The following POMGNT2 variants were observed in gnomAD, a reference collection of about 807,000 sequenced individuals.
POMGNT2 encodes the protein protein O-linked-mannose beta-1,4-N-acetylglucosaminyltransferase 2.
Under a neutral mutation model 37.8 loss-of-function variants are expected in POMGNT2, and 32 were observed. The observed-to-expected ratio is 0.85, with a 90% CI of 0.64 to 1.14. The LOEUF (loss-of-function observed/expected upper bound fraction) is 1.14. Ranked by LOEUF, POMGNT2 falls within the 50% of genes most tolerant of loss-of-function variation. POMGNT2 has a pLI of 0.00. For missense variants in POMGNT2, 705 were observed against 780.6 expected (o/e 0.90, Z 1.15); for synonymous variants, 340 against 336.8 (o/e 1.01, Z -0.10).
chr3:43,088,700 G>T (rs2089918340), intron 1 of POMGNT2, among the ~76,000 whole-genome samples: 1 of 152,196 alleles, frequency 6.6e-6, no homozygotes, highest in Non-Finnish European at 1.5e-5. Flanking sequence ...GAAAAAGAAG[G>T]TGTTGTCCTA....
At chr3:43,095,236 T>C (rs974207446) in intron 1 of POMGNT2, among the ~76,000 whole-genome samples, 1 of 152,206 alleles carries the variant, frequency 6.6e-6, no homozygotes, top group Non-Finnish European at 1.5e-5. Context: ...GAGGTGGCAC[T>C]TGGAGGCATG....
intron 1 of POMGNT2, among the ~76,000 whole-genome samples, chr3:43,103,847 C>T (rs561827899): frequency 5.3e-5 from 8 of 152,198 alleles, no homozygotes; most frequent in Non-Finnish European, 1.2e-4. Flanking sequence ...TCCAAGCCTT[C>T]ACTTCCTGGC....
Position 43,081,299 on chromosome 3 carries a change from G to A in POMGNT2, c.133C>T (p.Pro45Ser). Residue 45 changes from proline to serine, a missense_variant, in exon 2 of 2, where the codon CCA (proline) becomes TCA (serine). Coordinates refer to ENST00000344697, the MANE Select transcript of POMGNT2 (RefSeq NM_032806.6). ...ELALSRQATEPAPALRIDYPK... is the reference protein window; with the variant it reads ...ELALSRQATESAPALRIDYPK... ...TAGTCGATCCTCAGTGCTGGGGCTGGCTCTGTGGCCTGTCGGCTGAGGGCC... is the reference window on the plus strand; with the variant it reads ...TAGTCGATCCTCAGTGCTGGGGCTGACTCTGTGGCCTGTCGGCTGAGGGCC... 6.2e-7 allele frequency: 1 copy of A among 1,612,746 alleles called. No homozygotes were observed.
intron 1 of POMGNT2, among the ~76,000 whole-genome samples, chr3:43,101,891 C>G (rs1438534760): frequency 3.3e-5 from 5 of 152,108 alleles, no homozygotes; most frequent in South Asian, 2.1e-4. Context: ...CCTTCCCACA[C>G]AAAGTGCACC....
intron 1 of POMGNT2, among the ~76,000 whole-genome samples, chr3:43,104,500 G>T (rs770737802): frequency 6.6e-6 from 1 of 152,214 alleles, no homozygotes; most frequent in African/African-American, 2.4e-5. Flanking sequence ...CCTTTCTGCT[G>T]AAGATCTCCA....
chr3:43,105,533 G>C (rs1258864023), intron 1 of POMGNT2, among the ~76,000 whole-genome samples: 1 of 152,080 alleles, frequency 6.6e-6, no homozygotes, highest in East Asian at 2.0e-4. Flanking sequence ...GGCTCGAACT[G>C]GCAAGCCCCA....
chr3:43,080,872 T>C lies in POMGNT2; in HGVS notation c.560A>G (p.His187Arg), dbSNP rs2089846455. ...YTLRQFPGLA[H>R]EARLFFMEGW... The stretch of plus-strand genomic sequence containing the variant: ...CTCCATGAAGAAGAGCCGTGCCTCG[T>C]GGGCCAGGCCGGGAAACTGCCGCAG... The change falls in exon 2 of 2, where the codon CAC becomes CGC. Residue 187 changes from histidine (H) to arginine (R), a missense_variant. By Grantham distance (29) the His-to-Arg change is conservative (BLOSUM62 0). Coordinates refer to ENST00000344697, the MANE Select transcript of POMGNT2 (RefSeq NM_032806.6). 4 of 1,614,082 alleles carry C rather than the reference T, an allele frequency of 2.5e-6. No homozygotes were observed. Among genetic ancestry groups the C allele is most frequent in the Non-Finnish European group, 3.4e-6 (4 of 1,179,984 alleles).
At chr3:43,088,127 A>C (rs1157907951) in intron 1 of POMGNT2, 1 of 152,270 alleles carries the variant, frequency 6.6e-6, no homozygotes, top group African/African-American at 2.4e-5. Context: ...GGCACCAGAT[A>C]GCTAATAAAG....
rs149932476 is a variant in POMGNT2, at chr3:43,080,895, C to G, written c.537G>C (p.Leu179=). The stretch of plus-strand genomic sequence containing the variant: ...CGTGGGCCAGGCCGGGAAACTGCCG[C>G]AGGGTGTAGAAGAGTGGCAGCAGGT... ...HDDLLPLFYT[L]RQFPGLAHEA... Residue 179 remains leucine (L), a synonymous_variant, in exon 2 of 2, where the codon CTG becomes CTC. Transcript: ENST00000344697. The G allele has an allele frequency of 9.5e-4, 1,536 of 1,614,160 alleles. 10 individuals carry two copies. The African/African-American group carries it at 0.015, about 15-fold the overall frequency.
In POMGNT2 at chr3:43,080,846, C is replaced by T; in HGVS notation, c.586G>A (p.Gly196Ser). The change falls in exon 2 of 2, where the codon GGC becomes AGC. Residue 196 changes from glycine to serine, a missense_variant. Coordinates refer to ENST00000344697, the MANE Select transcript of POMGNT2 (RefSeq NM_032806.6). ...TCGAAGTGTGCACCCTCGCCCCAGC[C>T]CTCCATGAAGAAGAGCCGTGCCTCG... ...AHEARLFFME[G>S]WGEGAHFDLY... 6.2e-7 allele frequency: 1 copy of T among 1,614,100 alleles called. No individual in the cohort carries two copies. Among genetic ancestry groups the T allele is most frequent in the Non-Finnish European group, 8.5e-7 (1 of 1,180,002 alleles).
Position 43,080,600 on chromosome 3 carries a change from T to A in POMGNT2, c.832A>T (p.Ser278Cys). 7 of 1,614,202 alleles carry A rather than the reference T, an allele frequency of 4.3e-6. No homozygotes were observed. Among genetic ancestry groups the A allele is most frequent in the Non-Finnish European group, 5.9e-6 (7 of 1,180,034 alleles). The change falls in exon 2 of 2, where the codon AGC becomes TGC. Residue 278 changes from serine (S) to cysteine (C), a missense_variant. Transcript: ENST00000344697. ...ARFMTEKLNV[S>C]HTGVPLGEEY... ...TCGCCTAGGGGGACTCCTGTGTGGC[T>A]CACGTTCAGCTTTTCTGTCATGAAC...
intron 1 of POMGNT2, among the ~76,000 whole-genome samples, chr3:43,100,259 T>C (rs2125711625): frequency 6.6e-6 from 1 of 152,166 alleles, no homozygotes; most frequent in African/African-American, 2.4e-5. Context: ...AACTTAAAAA[T>C]ACAAAAAAAG....
At chr3:43,102,404 A>G (rs2090025949) in intron 1 of POMGNT2, among the ~76,000 whole-genome samples, 1 of 152,236 alleles carries the variant, frequency 6.6e-6, no homozygotes, top group Admixed American at 6.5e-5. Flanking sequence ...GGCAGTCACC[A>G]CTGGCAGAGT....
chr3:43,104,759 A>G (rs2090045002), intron 1 of POMGNT2, among the ~76,000 whole-genome samples: 1 of 152,178 alleles, frequency 6.6e-6, no homozygotes, highest in Non-Finnish European at 1.5e-5. Flanking sequence ...ACGACTGCTG[A>G]TATTTGCCAC....
chr3:43,081,415 ACCG>A lies in POMGNT2; in HGVS notation c.14_16del (p.Ala5del). The A allele has an allele frequency of 3.2e-6, 5 of 1,579,656 alleles. No homozygotes were observed. The highest frequency in any genetic ancestry group is 4.3e-6 in the Non-Finnish European group (5 of 1,164,606). ...CACCGACACCAGGAGGGCGTTGAAC[ACCG>A]CCGAGAGGTGCATCCTAATGCCACT... On this transcript the variant is annotated inframe_deletion, in exon 2 of 2. Transcript: ENST00000344697.
chr3:43,083,924 C>A (rs1214844074), intron 1 of POMGNT2, among the ~76,000 whole-genome samples: 2 of 152,154 alleles, frequency 1.3e-5, no homozygotes, highest in African/African-American at 4.8e-5. Flanking sequence ...GCAACAAATT[C>A]TCTTAGTTTT....
chr3:43,080,541 G>T lies in POMGNT2; in HGVS notation c.891C>A (p.Asn297Lys), dbSNP rs1269685677. Reference sequence around the variant, plus strand: ...GCTCTGCCTCATTCAGAATGAGTCTGTTCTGGGTTCGGCTAAAGACCAGAA... The same window carrying T: ...GCTCTGCCTCATTCAGAATGAGTCTTTTCTGGGTTCGGCTAAAGACCAGAA... ...EYILVFSRTQ[N>K]RLILNEAELL... The change falls in exon 2 of 2, where the codon AAC becomes AAA. Residue 297 changes from asparagine to lysine, a missense_variant. Coordinates refer to ENST00000344697, the MANE Select transcript of POMGNT2 (RefSeq NM_032806.6). The T allele has an allele frequency of 3.7e-6, 6 of 1,614,236 alleles. No homozygotes were observed. Among genetic ancestry groups the T allele is most frequent in the Non-Finnish European group, 4.2e-6 (5 of 1,180,040 alleles).
chr3:43,090,306 T>C (rs985344416), intron 1 of POMGNT2, among the ~76,000 whole-genome samples: 2 of 147,060 alleles, frequency 1.4e-5, no homozygotes, highest in Non-Finnish European at 3.0e-5. Context: ...CATCTATCTA[T>C]ATATTTTACT....
intron 1 of POMGNT2, among the ~76,000 whole-genome samples, chr3:43,104,680 G>A (rs1308984816): frequency 6.6e-6 from 1 of 152,180 alleles, no homozygotes; most frequent in Non-Finnish European, 1.5e-5. Context: ...GAGCCAGAGA[G>A]GGCAGCTAGT....
Sources: allele counts gnomAD v4.1 joint callset (sites outside exome capture counted in the v4.1 genomes callset), GRCh38; gene constraint gnomAD v4.1.1; transcripts MANE v1.5; gene names NCBI Gene and HGNC (gene_info 2026-07-23, HGNC 2026-07-21).